Variants in THSD7A observed in about 807,000 individuals in gnomAD.
THSD7A encodes the protein thrombospondin type 1 domain containing 7A, also known as thrombospondin type-1 domain-containing protein 7A.
Under a neutral mutation model 231.3 loss-of-function variants are expected in THSD7A, and 96 were observed. The observed-to-expected ratio is 0.41, with a 90% CI of 0.35 to 0.49. The LOEUF (loss-of-function observed/expected upper bound fraction) is 0.49, where lower values mean the gene tolerates loss of function less well. THSD7A is among the 20% of genes least tolerant of loss of function. The pLI is 0.05. For synonymous variants in THSD7A, 940 were observed against 743.3 expected, an observed-to-expected ratio of 1.26 and a Z score of -4.30; for missense variants, 2,290 against 2,070.2, an observed-to-expected ratio of 1.11 and a Z score of -2.06.
At chr7:11,414,733 A>G (rs1783902041) in intron 17 of THSD7A, among the ~76,000 whole-genome samples, 2 of 152,222 alleles carry the variant, frequency 1.3e-5, no homozygotes, top group Non-Finnish European at 2.9e-5. Context: ...TGGACTTTTT[A>G]AGGCCTAAAA....
intron 2 of THSD7A, among the ~76,000 whole-genome samples, chr7:11,635,059 CA>C (rs1295730414): frequency 1.3e-5 from 2 of 152,094 alleles, no homozygotes; most frequent in Admixed American, 6.6e-5. Context: ...AGTTAACATG[CA>C]AATGTGGTCT....
intron 1 of THSD7A, among the ~76,000 whole-genome samples, chr7:11,693,352 G>A (rs559575615): frequency 2.0e-5 from 3 of 151,436 alleles, no homozygotes; most frequent in African/African-American, 7.2e-5. Context: ...ATACTTCACA[G>A]AATACATCTA....
intron 1 of THSD7A, among the ~76,000 whole-genome samples, chr7:11,818,895 AT>A (rs1201086636): frequency 6.6e-6 from 1 of 152,068 alleles, no homozygotes; most frequent in Non-Finnish European, 1.5e-5. Flanking sequence ...TTATTGAACA[AT>A]TATCTTCAGT....
chr7:11,570,355 T>A (rs189289207), intron 4 of THSD7A, among the ~76,000 whole-genome samples: 29 of 151,968 alleles, frequency 1.9e-4, no homozygotes, highest in African/African-American at 7.0e-4. Flanking sequence ...AGAAGGGTAG[T>A]GGAAAGAGGG....
At chr7:11,541,332 C>T (rs1017541162) in intron 6 of THSD7A, 87 bp downstream of exon 6, 51 of 1,275,344 alleles carry the variant, frequency 4.0e-5, no homozygotes, top group African/African-American at 2.8e-4. Context: ...AGTTATAATG[C>T]GAGAAGACAC....
chr7:11,639,928 T>G (rs1266092424), intron 1 of THSD7A, among the ~76,000 whole-genome samples: 1 of 152,160 alleles, frequency 6.6e-6, no homozygotes, highest in East Asian at 1.9e-4. Flanking sequence ...ATCAAACTCT[T>G]ACAAACCAAA....
chr7:11,503,116 A>G (rs1454272762), intron 6 of THSD7A, among the ~76,000 whole-genome samples: 7 of 152,214 alleles, frequency 4.6e-5, no homozygotes, highest in Non-Finnish European at 2.9e-5. Context: ...AAACAGGCAC[A>G]TAGACCAATG....
At chr7:11,523,371 T>A (rs1361079904) in intron 6 of THSD7A, among the ~76,000 whole-genome samples, 1 of 152,092 alleles carries the variant, frequency 6.6e-6, no homozygotes, top group African/African-American at 2.4e-5. Flanking sequence ...TCTTTGAGAA[T>A]TTCTTTGTTC....
chr7:11,410,270 T>G (rs1016690782), intron 19 of THSD7A, among the ~76,000 whole-genome samples: 4 of 152,212 alleles, frequency 2.6e-5, no homozygotes, highest in African/African-American at 7.2e-5. Context: ...TTAAGTTAGG[T>G]CCACATGATA....
At chr7:11,628,208 G>T (rs1445909471) in intron 2 of THSD7A, among the ~76,000 whole-genome samples, 1 of 152,098 alleles carries the variant, frequency 6.6e-6, no homozygotes, top group Admixed American at 6.5e-5. Flanking sequence ...AGGATATAAA[G>T]TCTAAACATT....
intron 4 of THSD7A, among the ~76,000 whole-genome samples, chr7:11,563,365 A>AT (rs1790157831): frequency 6.6e-6 from 1 of 151,930 alleles, no homozygotes; most frequent in Non-Finnish European, 1.5e-5. Context: ...AGTTTATTTT[A>AT]TTTTTTATTT....
At chr7:11,523,412 G>A (rs1788347187) in intron 6 of THSD7A, among the ~76,000 whole-genome samples, 2 of 151,930 alleles carry the variant, frequency 1.3e-5, no homozygotes, top group Admixed American at 6.6e-5. Context: ...TCACCACTAA[G>A]AAAAATTAAG....
At chr7:11,397,080 AC>A (rs1433013619) in intron 23 of THSD7A, among the ~76,000 whole-genome samples, 2 of 151,960 alleles carry the variant, frequency 1.3e-5, no homozygotes, top group Non-Finnish European at 2.9e-5. Context: ...AAAATTCAAC[AC>A]CCCTTCATGC....
chr7:11,441,489 G>A (rs1024896350), intron 13 of THSD7A, among the ~76,000 whole-genome samples: 1 of 151,998 alleles, frequency 6.6e-6, no homozygotes, highest in Non-Finnish European at 1.5e-5. Flanking sequence ...TCTGCCCTTT[G>A]TTTTGTAACA....
At chr7:11,706,240 G>A (rs928873215) in intron 1 of THSD7A, among the ~76,000 whole-genome samples, 8 of 150,902 alleles carry the variant, frequency 5.3e-5, no homozygotes, top group Non-Finnish European at 1.0e-4. Context: ...TACAGCTAGA[G>A]CACATGTGTA....
In THSD7A at chr7:11,406,161, G is replaced by A; in HGVS notation, c.4237+139C>T. On this transcript the variant is annotated intron_variant, in intron 22 of 27. Coordinates refer to ENST00000423059, the MANE Select transcript of THSD7A (RefSeq NM_015204.3). This position sits in a 1 kb window ranked among gnomAD's most constrained non-coding sequence, Gnocchi z 4.7. ...CAGCGTCCCGTTCCCCACAGGCATA[G>A]TGTTGAGCTGTTGGCATAGATATTA... The A allele has an allele frequency of 1.2e-6, 1 of 863,638 alleles. No individual in the cohort carries two copies. Among genetic ancestry groups the A allele is most frequent in the African/African-American group, 1.7e-5 (1 of 58,908 alleles). 53.5% of individuals were successfully genotyped at this position (863,638 alleles called of 1,614,324 possible). A position where few individuals can be genotyped will look rare whatever the true frequency, so the allele number is the denominator to read the frequency against.
chr7:11,655,737 A>G (rs1197092143), intron 1 of THSD7A, among the ~76,000 whole-genome samples: 1 of 151,916 alleles, frequency 6.6e-6, no homozygotes, highest in Non-Finnish European at 1.5e-5. Flanking sequence ...CCATTTCAAT[A>G]TGGTAAGTCT....
At chr7:11,522,317 G>C (rs1421542033) in intron 6 of THSD7A, among the ~76,000 whole-genome samples, 1 of 152,148 alleles carries the variant, frequency 6.6e-6, no homozygotes, top group South Asian at 2.1e-4. Context: ...ACATGCAATT[G>C]AAGTAGGTAA....
At chr7:11,638,171 A>G (rs1202457392) in intron 1 of THSD7A, among the ~76,000 whole-genome samples, 1 of 152,160 alleles carries the variant, frequency 6.6e-6, no homozygotes, top group Non-Finnish European at 1.5e-5. Flanking sequence ...GCATAAGATT[A>G]TGTCTGCAAG....
Sources: allele counts gnomAD v4.1 joint callset (sites outside exome capture counted in the v4.1 genomes callset), GRCh38; gene constraint gnomAD v4.1.1; non-coding constraint Gnocchi (gnomAD v3.1); transcripts MANE v1.5; gene names NCBI Gene and HGNC (gene_info 2026-07-23, HGNC 2026-07-21).